NF2: variants seen among roughly 807,000 people sequenced by gnomAD.
The protein encoded by NF2 is merlin.
NF2 carries 8 observed loss-of-function variants against 83.7 expected under a neutral mutation model. The ratio of observed to expected loss-of-function variants is 0.10; its 90% confidence interval spans 0.06 to 0.17. The LOEUF (loss-of-function observed/expected upper bound fraction) is 0.17. NF2 is among the 10% of genes least tolerant of loss of function. NF2 has a pLI of 1.00. For synonymous variants in NF2, 266 were observed against 269.6 expected (o/e 0.99, Z 0.13); for missense variants, 533 against 744.4 (o/e 0.72, Z 3.31).
At chr22:29,660,136 G>A (rs1463945957) in intron 7 of NF2, among the ~76,000 whole-genome samples, 3 of 152,192 alleles carry the variant, frequency 2.0e-5, no homozygotes, top group African/African-American at 4.8e-5. Flanking sequence ...ATGAGGGCTA[G>A]ACCACAGCAC....
At chr22:29,617,548 AC>A in intron 1 of NF2, among the ~76,000 whole-genome samples, 1 of 152,180 alleles carries the variant, frequency 6.6e-6, no homozygotes, top group East Asian at 1.9e-4. Context: ...TAGGGAGGAC[AC>A]CCTCCAATCT....
At chr22:29,658,500 G>C (rs2066381430) in intron 7 of NF2, among the ~76,000 whole-genome samples, 1 of 152,090 alleles carries the variant, frequency 6.6e-6, no homozygotes, top group Non-Finnish European at 1.5e-5. Flanking sequence ...ACCTGGTTCT[G>C]CTCTCAGCAG....
intron 1 of NF2, among the ~76,000 whole-genome samples, chr22:29,605,356 G>A (rs1303321313): frequency 1.3e-5 from 2 of 152,062 alleles, no homozygotes; most frequent in African/African-American, 4.8e-5. Context: ...GTAGAGACAG[G>A]GTTTCACCAT....
chr22:29,655,683 C>A lies in NF2; in HGVS notation c.599+7C>A, dbSNP rs376965055. ...AGCACCGAGGCCGAGCCAGGTGAGG[C>A]CCATTCATTGTTGGTTTACATTCCT... On this transcript the variant is annotated splice_region_variant and intron_variant, in intron 6 of 15. Transcript: ENST00000338641. The A allele has an allele frequency of 1.2e-6, 2 of 1,609,122 alleles. No homozygotes were observed. Among genetic ancestry groups the A allele is most frequent in the Non-Finnish European group, 1.7e-6 (2 of 1,177,020 alleles).
chr22:29,666,371 C>A (rs1019905005), intron 9 of NF2, among the ~76,000 whole-genome samples: 1 of 152,030 alleles, frequency 6.6e-6, no homozygotes, highest in South Asian at 2.1e-4. Flanking sequence ...GAACTCCTGA[C>A]CTTGTGATCT....
chr22:29,644,507 C>A (rs1278830700), intron 4 of NF2, among the ~76,000 whole-genome samples: 2 of 152,016 alleles, frequency 1.3e-5, no homozygotes, highest in East Asian at 3.9e-4. Context: ...CTCCTCACTT[C>A]CCAGACGGGG....
intron 1 of NF2, among the ~76,000 whole-genome samples, chr22:29,613,084 G>C (rs1376091264): frequency 6.7e-6 from 1 of 149,452 alleles, no homozygotes; most frequent in African/African-American, 2.5e-5. Flanking sequence ...CAACAAGAGC[G>C]AAACTCCATC....
chr22:29,685,002 A>G lies in NF2; in HGVS notation c.1737+3401A>G, dbSNP rs1410455964. ...TGGATGTGGGGATACCTAGATGTCA[A>G]GGGCAGAACTCCATCTAGAATGCCT... is the stretch of plus-strand genomic sequence containing the variant. On this transcript the variant is annotated intron_variant, in intron 15 of 15. Coordinates refer to ENST00000338641, the MANE Select transcript of NF2 (RefSeq NM_000268.4). Among the ~76,000 whole-genome samples the G allele has an allele frequency of 5.3e-5, 8 of 150,770 alleles. No individual in the cohort carries two copies. In the Admixed American group the frequency reaches 5.3e-4, roughly 10 times the overall value.
At chr22:29,684,649 T>C (rs968765673) in intron 15 of NF2, among the ~76,000 whole-genome samples, 2 of 152,354 alleles carry the variant, frequency 1.3e-5, no homozygotes, top group East Asian at 3.9e-4. Context: ...TCATCCATTT[T>C]AATGTCTCGA....
chr22:29,654,861 CAG>C, intron 5 of NF2, 136 bp downstream of exon 5: 1 of 749,264 alleles, frequency 1.3e-6, no homozygotes, highest in Non-Finnish European at 2.3e-6. Context: ...CTCCAGTAAA[CAG>C]TGTGGGATCT....
At chr22:29,623,724 C>T (rs934676648) in intron 1 of NF2, among the ~76,000 whole-genome samples, 1 of 152,170 alleles carries the variant, frequency 6.6e-6, no homozygotes, top group Non-Finnish European at 1.5e-5. Context: ...TTTCTCTTGT[C>T]TGGTTCCTGC....
chr22:29,607,116 A>T (rs778128205), intron 1 of NF2, among the ~76,000 whole-genome samples: 4 of 152,190 alleles, frequency 2.6e-5, no homozygotes, highest in Non-Finnish European at 5.9e-5. Flanking sequence ...ATCATTATAC[A>T]TTGTATATTA....
intron 15 of NF2, chr22:29,683,100 G>A (rs768001634): frequency 6.2e-7 from 1 of 1,614,156 alleles, no homozygotes; most frequent in East Asian, 2.2e-5. Context: ...TGTGGTGATG[G>A]TGCTGCCCTC....
At chr22:29,635,019 A>T (rs1187563977) in intron 1 of NF2, among the ~76,000 whole-genome samples, 1 of 152,200 alleles carries the variant, frequency 6.6e-6, no homozygotes, top group Admixed American at 6.5e-5. Flanking sequence ...AAGTTGAAGG[A>T]CAGATAGGAG....
chr22:29,628,923 G>A (rs917016252), intron 1 of NF2, among the ~76,000 whole-genome samples: 3 of 152,112 alleles, frequency 2.0e-5, no homozygotes, highest in Non-Finnish European at 4.4e-5. Context: ...GAGCCACTGC[G>A]CCTGGCCTCC....
intron 13 of NF2, 70 bp downstream of exon 13, chr22:29,675,011 G>A: frequency 7.3e-7 from 1 of 1,362,574 alleles, no homozygotes; most frequent in African/African-American, 1.4e-5. Context: ...CGGCCCTTCA[G>A]TTCATCTGGC....
At position 29,603,818 on chromosome 22, in the gene NF2, G is replaced by T. The variant is rs2064705455; in HGVS notation, c.-181G>T. On this transcript the variant is annotated 5_prime_UTR_variant, in exon 1 of 16. Coordinates refer to ENST00000338641, the MANE Select transcript of NF2 (RefSeq NM_000268.4). ...GGCCCGTCCCCCAACTCCCCTTTCC[G>T]CTCAGGCAGGGTCCTCGCGGCCCAT... 4 of 581,340 alleles carry T rather than the reference G, an allele frequency of 6.9e-6. No individual in the cohort carries two copies. Among genetic ancestry groups the T allele is most frequent in the East Asian group, 2.9e-5 (1 of 33,994 alleles). 36.0% of individuals were successfully genotyped at this position (581,340 alleles called of 1,614,324 possible). A position where few individuals can be genotyped will look rare whatever the true frequency, so the allele number is the denominator to read the frequency against.
Position 29,636,627 on chromosome 22 carries a change from A to G in NF2, c.115-124A>G. The G allele has an allele frequency of 8.2e-7, 1 of 1,218,858 alleles. No individual in the cohort carries two copies. The highest frequency in any genetic ancestry group is 1.2e-6 in the Non-Finnish European group (1 of 826,914). The allele number at this position is 1,218,858 out of a possible 1,614,324, so 75.5% of individuals were successfully genotyped here. A position where few individuals can be genotyped will look rare whatever the true frequency, so the allele number is the denominator to read the frequency against. ...AAGCTTTAAAATTATTTAGGAATTC[A>G]GTCCTCATCAGCTGTCTTAGTGTCA... On this transcript the variant is annotated intron_variant, in intron 1 of 15. Coordinates refer to ENST00000338641, the MANE Select transcript of NF2 (RefSeq NM_000268.4). The surrounding 1 kb of genome is among the most constrained non-coding windows in gnomAD (Gnocchi z 4.4).
intron 1 of NF2, among the ~76,000 whole-genome samples, chr22:29,628,233 A>T (rs2065419365): frequency 6.6e-6 from 1 of 151,970 alleles, no homozygotes; most frequent in Non-Finnish European, 1.5e-5. Context: ...TGGAGGAAAG[A>T]CAGAAAACTT....
Sources: allele counts gnomAD v4.1 joint callset (sites outside exome capture counted in the v4.1 genomes callset), GRCh38; gene constraint gnomAD v4.1.1; non-coding constraint Gnocchi (gnomAD v3.1); transcripts MANE v1.5; gene names NCBI Gene and HGNC (gene_info 2026-07-23, HGNC 2026-07-21).